PLEKHG1: variants seen among roughly 807,000 people sequenced by gnomAD.
PLEKHG1 encodes pleckstrin homology domain-containing family G member 1.
PLEKHG1 carries 44 observed loss-of-function variants against 100.8 expected under a neutral mutation model. That is an observed-to-expected ratio of 0.44 (90% CI 0.34 to 0.56). The LOEUF (loss-of-function observed/expected upper bound fraction) is 0.56. Among genes scored for constraint, PLEKHG1 ranks in the 20% least tolerant of loss-of-function variants. PLEKHG1 has a pLI of 0.01. For missense variants in PLEKHG1, 1,545 were observed against 1,720.9 expected, an observed-to-expected ratio of 0.90 and a Z score of 1.81; for synonymous variants, 640 against 662.5, an observed-to-expected ratio of 0.97 and a Z score of 0.52.
chr6:150,650,077 A>G (rs1285213091), intron 2 of PLEKHG1, among the ~76,000 whole-genome samples: 1 of 148,810 alleles, frequency 6.7e-6, no homozygotes, highest in Non-Finnish European at 1.5e-5. Flanking sequence ...AAAAAAAGAA[A>G]GAAAAAAAAA....
intron 1 of PLEKHG1, among the ~76,000 whole-genome samples, chr6:150,731,464 C>T (rs1782252053): frequency 6.6e-6 from 1 of 152,154 alleles, no homozygotes; most frequent in South Asian, 2.1e-4. Flanking sequence ...TAATACTTGT[C>T]ATGAATATAA....
intron 3 of PLEKHG1, among the ~76,000 whole-genome samples, chr6:150,700,890 C>G (rs1268471523): frequency 6.6e-6 from 1 of 152,144 alleles, no homozygotes; most frequent in African/African-American, 2.4e-5. Flanking sequence ...TTGGGTACTT[C>G]CCTCTCTCTC....
intron 7 of PLEKHG1, among the ~76,000 whole-genome samples, chr6:150,807,063 G>A (rs1462254005): frequency 6.6e-6 from 1 of 152,110 alleles, no homozygotes; most frequent in Non-Finnish European, 1.5e-5. Flanking sequence ...CTCAATGCTT[G>A]TGTTCAAGTC....
rs57840463 is a variant in PLEKHG1 at position 150,644,334 on chromosome 6, G to GTTTTTTTTTTTT, written c.-158+6216_-158+6227dup. Among the ~76,000 whole-genome samples the GTTTTTTTTTTTT allele has an allele frequency of 5.4e-3, 633 of 117,536 alleles. 33 individuals are homozygous for GTTTTTTTTTTTT. Among genetic ancestry groups the GTTTTTTTTTTTT allele is most frequent in the African/African-American group, 0.017 (482 of 28,568 alleles). The allele number at this position is 117,536 out of a possible 152,430, so 77.1% of individuals were successfully genotyped here. On this transcript the variant is annotated intron_variant, in intron 2 of 3. Coordinates refer to the PLEKHG1 transcript ENST00000367326. ...AAGAGAGTGGTTTTTTTCTTTTCGT[G>GTTTTTTTTTTTT]TTTTTTTTTTTTTTTTTTGTTACAG...
intron 2 of PLEKHG1, among the ~76,000 whole-genome samples, chr6:150,737,279 G>GTAT (rs1782610762): frequency 7.1e-6 from 1 of 141,202 alleles, no homozygotes; most frequent in South Asian, 2.2e-4. Flanking sequence ...TGTCATATGG[G>GTAT]TATTTTTTTT....
At position 150,683,004 on chromosome 6, in the gene PLEKHG1, A is replaced by T. The variant is rs1779987629; in HGVS notation, c.-99+32218A>T. Among the ~76,000 whole-genome samples, 2 of 152,180 alleles carry T rather than the reference A, an allele frequency of 1.3e-5. No individual in the cohort carries two copies. Among genetic ancestry groups the T allele is most frequent in the Admixed American group, 6.5e-5 (1 of 15,276 alleles). On this transcript the variant is annotated intron_variant, in intron 3 of 3. Coordinates refer to the PLEKHG1 transcript ENST00000367326. The surrounding 1 kb of genome is among the most constrained non-coding windows in gnomAD (Gnocchi z 4.0). ...GGTCAAGTATTTGCTACAGGGTTGGATGTCATACTTAATGCTGATGGCTTC... is the reference window on the plus strand; with the variant it reads ...GGTCAAGTATTTGCTACAGGGTTGGTTGTCATACTTAATGCTGATGGCTTC...
chr6:150,755,921 TC>T (rs1231378951), intron 2 of PLEKHG1, among the ~76,000 whole-genome samples: 2 of 152,208 alleles, frequency 1.3e-5, no homozygotes, highest in Admixed American at 6.5e-5. Flanking sequence ...TTTTTTTCCA[TC>T]TTGTGGTAGA....
At chr6:150,746,159 C>T (rs1471958699) in intron 2 of PLEKHG1, among the ~76,000 whole-genome samples, 1 of 152,104 alleles carries the variant, frequency 6.6e-6, no homozygotes, top group Non-Finnish European at 1.5e-5. Context: ...CGGGAGCCTT[C>T]GTGTTTTGTT....
At chr6:150,761,381 C>T (rs1784153629) in intron 2 of PLEKHG1, among the ~76,000 whole-genome samples, 1 of 152,100 alleles carries the variant, frequency 6.6e-6, no homozygotes, top group Non-Finnish European at 1.5e-5. Flanking sequence ...GATCTCGGCT[C>T]ACTACAACCT....
rs137928341 is a variant in PLEKHG1 at position 150,739,277 on chromosome 6, G to A, written c.411+5185G>A. Among the ~76,000 whole-genome samples the A allele has an allele frequency of 1.7e-3, 257 of 152,238 alleles. 10 individuals are homozygous for A. The South Asian group carries it at 0.04, about 24-fold the overall frequency. ...ATTTAGTGAAAAAAGGGGCTGAATT[G>A]TTAATTACAACGTGATTTTATCTCT... is the stretch of plus-strand genomic sequence containing the variant. On this transcript the variant is annotated intron_variant, in intron 2 of 15. Coordinates refer to ENST00000358517, the Ensembl canonical transcript of PLEKHG1.
intron 3 of PLEKHG1, among the ~76,000 whole-genome samples, chr6:150,777,344 G>A (rs374082791): frequency 1.5e-4 from 21 of 136,200 alleles, no homozygotes; most frequent in South Asian, 2.4e-4. Context: ...CACTGATGCA[G>A]TCCTGGTGCA....
intron 2 of PLEKHG1, among the ~76,000 whole-genome samples, chr6:150,766,869 T>G (rs2128638542): frequency 6.6e-6 from 1 of 152,326 alleles, no homozygotes. Flanking sequence ...TAAGCCCCAC[T>G]GCAGAGCCTC....
chr6:150,782,853 G>A (rs1296979175), intron 3 of PLEKHG1, among the ~76,000 whole-genome samples: 1 of 152,022 alleles, frequency 6.6e-6, no homozygotes, highest in Non-Finnish European at 1.5e-5. Flanking sequence ...TTGACGTTGT[G>A]GCTCATTTTC....
At chr6:150,763,628 C>T (rs975182579) in intron 2 of PLEKHG1, among the ~76,000 whole-genome samples, 8 of 152,160 alleles carry the variant, frequency 5.3e-5, no homozygotes, top group African/African-American at 1.9e-4. Flanking sequence ...GCAGATGGGG[C>T]CTGCTAGAGC....
chr6:150,674,682 TCC>T (rs71544395), intron 3 of PLEKHG1, among the ~76,000 whole-genome samples: 1,069 of 104,208 alleles, frequency 0.01, 42 homozygotes, highest in Middle Eastern at 0.02. Flanking sequence ...TCTCTCTCTC[TCC>T]CCCCTCTTCT....
chr6:150,762,939 G>A (rs554383305), intron 2 of PLEKHG1, among the ~76,000 whole-genome samples: 2 of 150,350 alleles, frequency 1.3e-5, no homozygotes, highest in African/African-American at 2.5e-5. Flanking sequence ...AATAATTCTT[G>A]TAGCACTTAA....
intron 6 of PLEKHG1, among the ~76,000 whole-genome samples, chr6:150,802,453 A>G (rs1786766671): frequency 6.7e-6 from 1 of 149,130 alleles, no homozygotes; most frequent in Non-Finnish European, 1.5e-5. Context: ...TCAAAAGGAA[A>G]GTTTAAGATC....
chr6:150,695,098 G>A (rs1204134164), intron 3 of PLEKHG1, among the ~76,000 whole-genome samples: 3 of 152,160 alleles, frequency 2.0e-5, no homozygotes, highest in Admixed American at 6.6e-5. Flanking sequence ...GTTTCCATGT[G>A]AACCCTGTTT....
chr6:150,809,567 C>T, intron 9 of PLEKHG1, 81 bp from the exon 11 acceptor site: 1 of 1,488,760 alleles, frequency 6.7e-7, no homozygotes, highest in South Asian at 1.1e-5. Flanking sequence ...GTTCTGGCCA[C>T]ATGGTCATTT....
Sources: gnomAD v4.1 joint callset for allele counts (sites outside exome capture counted in the v4.1 genomes callset) on GRCh38, gnomAD v4.1.1 for gene constraint, Gnocchi (gnomAD v3.1) non-coding constraint, MANE v1.5 for transcripts, NCBI Gene and HGNC (gene_info 2026-07-23, HGNC 2026-07-21) for gene names.